Variants in DOCK1 observed in about 807,000 individuals in gnomAD.
DOCK1 encodes the protein dedicator of cytokinesis protein 1.
DOCK1 carries 138 observed loss-of-function variants against 262.7 expected under a neutral mutation model. The ratio of observed to expected loss-of-function variants is 0.53; its 90% CI spans 0.46 to 0.61. The LOEUF is 0.61. Among genes scored for constraint, DOCK1 ranks in the 20% least tolerant of loss-of-function variants. The pLI, the probability that DOCK1 is intolerant of heterozygous loss-of-function variation, is 0.00. For missense variants in DOCK1, 1,908 were observed against 2,370.7 expected, an observed-to-expected ratio of 0.80 and a Z score of 4.05; for synonymous variants, 866 against 867.4, an observed-to-expected ratio of 1.00 and a Z score of 0.03.
chr10:127,429,054 G>GTGCCGTGTGGATTGGGA (rs2069093019), intron 47 of DOCK1, among the ~76,000 whole-genome samples: 2 of 142,466 alleles, frequency 1.4e-5, no homozygotes, highest in African/African-American at 2.5e-5. Context: ...GTGGATTGGG[G>GTGCCGTGTGGATTGGGA]TGCTGTGTGG....
At chr10:127,361,794 A>G (rs931683784) in intron 32 of DOCK1, among the ~76,000 whole-genome samples, 1 of 152,194 alleles carries the variant, frequency 6.6e-6, no homozygotes, top group Non-Finnish European at 1.5e-5. Context: ...AACAGTGTTC[A>G]TCTTCTCTGA....
intron 27 of DOCK1, among the ~76,000 whole-genome samples, chr10:127,188,182 T>C (rs1282511682): frequency 6.6e-6 from 1 of 152,326 alleles, no homozygotes; most frequent in Admixed American, 6.5e-5. Context: ...ACAGAGTGTC[T>C]GTGCCCTGGC....
chr10:126,984,237 C>G (rs940621532), intron 4 of DOCK1, among the ~76,000 whole-genome samples: 1 of 152,214 alleles, frequency 6.6e-6, no homozygotes, highest in East Asian at 1.9e-4. Context: ...ACCCCTCATT[C>G]AGTTAGGCAG....
intron 29 of DOCK1, among the ~76,000 whole-genome samples, chr10:127,294,494 G>A (rs1428571449): frequency 6.6e-6 from 1 of 151,336 alleles, no homozygotes; most frequent in Non-Finnish European, 1.5e-5. Context: ...GCTGATTTTT[G>A]TACTTTTAGT....
At chr10:127,105,802 G>T (rs981849540) in intron 23 of DOCK1, among the ~76,000 whole-genome samples, 1 of 152,056 alleles carries the variant, frequency 6.6e-6, no homozygotes, top group East Asian at 1.9e-4. Flanking sequence ...CTTTGTTGCC[G>T]GGGCTGGATT....
chr10:126,958,698 C>G (rs1368673702), intron 1 of DOCK1, among the ~76,000 whole-genome samples: 1 of 152,098 alleles, frequency 6.6e-6, no homozygotes, highest in African/African-American at 2.4e-5. Flanking sequence ...CTTCCTGATT[C>G]TAGTGGGTTG....
At chr10:127,151,666 C>T (rs764889946) in intron 27 of DOCK1, among the ~76,000 whole-genome samples, 2 of 152,162 alleles carry the variant, frequency 1.3e-5, no homozygotes, top group African/African-American at 2.4e-5. Context: ...TAAAAGTTCT[C>T]GATGAGTAGT....
intron 47 of DOCK1, among the ~76,000 whole-genome samples, chr10:127,428,974 A>ATTGGGGTGCCG (rs2069065937): frequency 6.3e-5 from 5 of 78,930 alleles, no homozygotes; most frequent in Non-Finnish European, 9.6e-5. Flanking sequence ...TTCGGGTACC[A>ATTGGGGTGCCG]TGTGGATTGG....
In DOCK1 at chr10:127,272,842, G is replaced by T. The variant is rs1368066102; in HGVS notation, c.3044+15413G>T. Among the ~76,000 whole-genome samples the T allele has an allele frequency of 3.9e-5, 6 of 152,214 alleles. No individual in the cohort carries two copies. The South Asian group carries it at 1.0e-3, about 26-fold the overall frequency. On this transcript the variant is annotated intron_variant, in intron 29 of 51. Transcript: ENST00000623213. ...TGGCAGACAAGAGAAGAGAGCTTGTGCATGGAAACTCTTCTTTTTAAAACC... is the reference window on the plus strand; with the variant it reads ...TGGCAGACAAGAGAAGAGAGCTTGTTCATGGAAACTCTTCTTTTTAAAACC...
intron 29 of DOCK1, among the ~76,000 whole-genome samples, chr10:127,308,304 G>A (rs1181603914): frequency 2.6e-5 from 4 of 152,170 alleles, no homozygotes; most frequent in Admixed American, 6.5e-5. Flanking sequence ...CCACCTCGTT[G>A]GTGGAGGTGA....
intron 46 of DOCK1, among the ~76,000 whole-genome samples, chr10:127,421,772 G>T (rs1012587985): frequency 6.6e-6 from 1 of 152,218 alleles, no homozygotes; most frequent in Non-Finnish European, 1.5e-5. Context: ...ATGTCTTCCA[G>T]ATTCATCCAT....
chr10:127,137,851 G>A (rs2050833465), intron 27 of DOCK1: 11 of 1,613,796 alleles, frequency 6.8e-6, no homozygotes, highest in Non-Finnish European at 8.5e-6. Flanking sequence ...AGGAACCAGA[G>A]TTTCCATCTT....
chr10:126,954,839 TTG>T (rs1374815023), intron 1 of DOCK1, among the ~76,000 whole-genome samples: 2 of 152,180 alleles, frequency 1.3e-5, no homozygotes, highest in Non-Finnish European at 2.9e-5. Context: ...TGATAGACAT[TTG>T]GGTTGCTTCT....
chr10:127,333,644 A>G (rs942521510), intron 29 of DOCK1, among the ~76,000 whole-genome samples: 27 of 152,300 alleles, frequency 1.8e-4, no homozygotes, highest in African/African-American at 6.3e-4. Context: ...TTCAAGAACA[A>G]AAGCAAGGCT....
In DOCK1 at chr10:127,381,331, C is replaced by A; in HGVS notation, c.3770C>A (p.Ala1257Glu). ...LHKECDNYTEAAYTLLLHAKL... is the reference protein window; with the variant it reads ...LHKECDNYTEEAYTLLLHAKL... ...AAGGAGTGTGATAACTACACCGAAG[C>A]GGCTTACACCTTGCTTCTCCATGCA... The change falls in exon 37 of 52, where the codon GCG becomes GAG. Residue 1257 changes from alanine to glutamate, a missense_variant. Coordinates refer to ENST00000623213, the MANE Select transcript of DOCK1 (RefSeq NM_001290223.2). 6.2e-7 allele frequency: 1 copy of A among 1,612,694 alleles called. No individual in the cohort carries two copies. The highest frequency in any genetic ancestry group is 8.5e-7 in the Non-Finnish European group (1 of 1,179,108).
In DOCK1 at chr10:127,031,666, G is replaced by A. The variant is rs1458431239; in HGVS notation, c.1641G>A (p.Glu547=). The A allele has an allele frequency of 1.2e-6, 2 of 1,609,758 alleles. No individual in the cohort carries two copies. Among genetic ancestry groups the A allele is most frequent in the Non-Finnish European group, 1.7e-6 (2 of 1,179,320 alleles). Residue 547 remains glutamate, a synonymous_variant, in exon 17 of 52, where the codon GAG becomes GAA. Transcript: ENST00000623213. ...RSSQDSKDKS[E]KIFALAFVKL... is the part of the protein sequence containing the mutation. ...GTTTTACAGCTAAGGATAAATCTGA[G>A]AAAATATTTGCACTAGCATTTGTCA...
chr10:127,169,302 G>T (rs1398550544), intron 27 of DOCK1, among the ~76,000 whole-genome samples: 1 of 152,130 alleles, frequency 6.6e-6, no homozygotes, highest in Non-Finnish European at 1.5e-5. Context: ...CCCCTCAAAG[G>T]CTGGGCCCGA....
At chr10:127,350,708 T>C (rs898430118) in intron 31 of DOCK1, among the ~76,000 whole-genome samples, 1 of 152,196 alleles carries the variant, frequency 6.6e-6, no homozygotes, top group African/African-American at 2.4e-5. Flanking sequence ...CTGTTCTCCA[T>C]ATCATAGTAA....
At chr10:126,939,007 C>A (rs1440966389) in intron 1 of DOCK1, among the ~76,000 whole-genome samples, 1 of 125,858 alleles carries the variant, frequency 7.9e-6, no homozygotes, top group East Asian at 2.3e-4. Context: ...GGGACGAACA[C>A]CGGAGGGGAT....
Sources: gnomAD v4.1 joint callset for allele counts (sites outside exome capture counted in the v4.1 genomes callset) on GRCh38, gnomAD v4.1.1 for gene constraint, MANE v1.5 for transcripts, NCBI Gene and HGNC (gene_info 2026-07-23, HGNC 2026-07-21) for gene names.